The following ARHGEF4 variants were observed in gnomAD, a reference collection of about 807,000 sequenced individuals.
ARHGEF4 encodes the protein APC-stimulated guanine nucleotide exchange factor 1.
Under a neutral mutation model 162.0 loss-of-function variants are expected in ARHGEF4, and 119 were observed. The observed-to-expected ratio is 0.73, with a 90% CI of 0.63 to 0.86. The LOEUF is 0.86. Ranked by LOEUF, ARHGEF4 falls within the 40% of genes least tolerant of loss-of-function variation. The pLI is 0.00. For missense variants in ARHGEF4, 2,488 were observed against 2,456.0 expected, an observed-to-expected ratio of 1.01 and a Z score of -0.28; for synonymous variants, 1,014 against 979.9, an observed-to-expected ratio of 1.03 and a Z score of -0.65.
intron 4 of ARHGEF4, among the ~76,000 whole-genome samples, chr2:130,976,912 G>T (rs1320900693): frequency 6.6e-6 from 1 of 151,996 alleles, no homozygotes; most frequent in Non-Finnish European, 1.5e-5. Context: ...AGTGTGTGGT[G>T]TGTATGGTGT....
intron 4 of ARHGEF4, among the ~76,000 whole-genome samples, chr2:131,024,301 A>C (rs1455283066): frequency 6.6e-6 from 1 of 152,096 alleles, no homozygotes; most frequent in East Asian, 1.9e-4. Context: ...TTTGAGACAG[A>C]ATCTTGCTCC....
At chr2:130,953,443 C>T (rs1180732855) in intron 4 of ARHGEF4, among the ~76,000 whole-genome samples, 1 of 152,150 alleles carries the variant, frequency 6.6e-6, no homozygotes, top group Non-Finnish European at 1.5e-5. Context: ...GACCTAAAAT[C>T]GTAAAAGCCC....
In ARHGEF4 at chr2:130,853,585, G is replaced by A. The variant is rs542204140; in HGVS notation, c.39+16593G>A. On this transcript the variant is annotated intron_variant, in intron 1 of 13. Transcript: ENST00000409359. ...CCTGTGTGTCCCCTGGGGATGAGCT[G>A]CTGAGCCAGGTGTGGGCTGTCCGTG... Among the ~76,000 whole-genome samples, 12 of 152,332 alleles carry A rather than the reference G, an allele frequency of 7.9e-5. No homozygotes were observed. In the East Asian group the frequency reaches 1.9e-3, roughly 25 times the overall value.
intron 1 of ARHGEF4, among the ~76,000 whole-genome samples, chr2:130,903,367 C>G (rs949871202): frequency 4.0e-5 from 6 of 151,654 alleles, no homozygotes; most frequent in Non-Finnish European, 8.8e-5. Context: ...TCAAGTGATT[C>G]TCCTGCCTCA....
intron 1 of ARHGEF4, among the ~76,000 whole-genome samples, chr2:130,910,119 G>GA (rs1269063165): frequency 1.3e-5 from 2 of 151,996 alleles, no homozygotes; most frequent in Non-Finnish European, 2.9e-5. Context: ...ACGGGTTGAT[G>GA]GGTGCAGCAA....
intron 1 of ARHGEF4, among the ~76,000 whole-genome samples, chr2:130,851,887 C>G (rs1450704433): frequency 1.3e-5 from 2 of 152,234 alleles, no homozygotes; most frequent in Non-Finnish European, 2.9e-5. Context: ...GGTCCAAATT[C>G]AAATGCTGCC....
At chr2:130,884,128 G>A (rs1452388974) in intron 1 of ARHGEF4, among the ~76,000 whole-genome samples, 1 of 152,080 alleles carries the variant, frequency 6.6e-6, no homozygotes, top group Non-Finnish European at 1.5e-5. Context: ...TCACCAAATA[G>A]TTTGGAAGGC....
intron 1 of ARHGEF4, among the ~76,000 whole-genome samples, chr2:130,908,791 A>C (rs1680997997): frequency 1.3e-5 from 2 of 152,224 alleles, no homozygotes; most frequent in South Asian, 4.1e-4. Context: ...CATATATCTG[A>C]CAAAAGACTT....
At chr2:130,983,198 T>C (rs563198196) in intron 4 of ARHGEF4, among the ~76,000 whole-genome samples, 2 of 152,344 alleles carry the variant, frequency 1.3e-5, no homozygotes, top group South Asian at 2.1e-4. Flanking sequence ...TTCTGAAAAC[T>C]GAGAGATTAA....
In ARHGEF4 at chr2:130,917,266, A is replaced by G. The variant is rs1251037064; in HGVS notation, c.3320A>G (p.His1107Arg). The change falls in exon 2 of 14, where the codon CAC (histidine) becomes CGC (arginine). Residue 1107 changes from histidine (H) to arginine (R), a missense_variant. By Grantham distance (29) the His-to-Arg change is conservative. Around this residue, in one of 6 missense-constraint regions of ARHGEF4, gnomAD observed 1,642 missense variants for 1,481.5 expected, o/e 1.11. Transcript: ENST00000409359. The part of the protein sequence containing the change: ...PRPSAQRMGL[H>R]YPGRGSAISM... Reference sequence around the variant, plus strand: ...CCTAGTGCTCAGCGGATGGGTCTCCACTACCCCGGGAGGGGTAGCGCCATC... The same window carrying G: ...CCTAGTGCTCAGCGGATGGGTCTCCGCTACCCCGGGAGGGGTAGCGCCATC... The G allele has an allele frequency of 6.4e-7, 1 of 1,550,468 alleles. No homozygotes were observed. The highest frequency in any genetic ancestry group is 8.7e-7 in the Non-Finnish European group (1 of 1,146,950).
chr2:130,847,809 A>G lies in ARHGEF4; in HGVS notation c.39+10817A>G, dbSNP rs1230599176. Reference sequence around the variant, plus strand: ...GCCTCCACCTGGGGGTGAGTCAGGCATGGAAGGCGGCCTTGAAGGCCCATC... The same window carrying G: ...GCCTCCACCTGGGGGTGAGTCAGGCGTGGAAGGCGGCCTTGAAGGCCCATC... On this transcript the variant is annotated intron_variant, in intron 1 of 13. Coordinates refer to ENST00000409359, the MANE Select transcript of ARHGEF4 (RefSeq NM_001367493.1). Among the ~76,000 whole-genome samples the G allele has an allele frequency of 7.9e-5, 12 of 152,336 alleles. No homozygotes were observed. The South Asian group carries it at 2.5e-3, about 32-fold the overall frequency.
At position 131,027,986 on chromosome 2, in the gene ARHGEF4, G is replaced by A. The variant is rs770753604; in HGVS notation, c.4027G>A (p.Glu1343Lys). Residue 1343 changes from glutamate (E) to lysine (K), a missense_variant, in exon 5 of 14, where the codon GAA becomes AAA. By Grantham distance (56) the Glu-to-Lys change is moderately conservative (BLOSUM62 1). Transcript: ENST00000409359. ...TCTGGACACAGCTGTCTGCGCTGAC[G>A]AAGTGGGGAGCGAGGAGGACCTGTA... ...GALDTAVCAD[E>K]VGSEEDLYDD... The A allele has an allele frequency of 2.4e-5, 39 of 1,614,078 alleles. No individual in the cohort carries two copies. Among genetic ancestry groups the A allele is most frequent in the East Asian group, 8.9e-5 (4 of 44,886 alleles).
chr2:130,841,977 C>G (rs942176079), intron 1 of ARHGEF4, among the ~76,000 whole-genome samples: 2 of 152,210 alleles, frequency 1.3e-5, no homozygotes, highest in Admixed American at 1.3e-4. Context: ...GGGTCGGGGA[C>G]ACTCCAAATC....
At chr2:130,954,474 A>G (rs779055702) in intron 4 of ARHGEF4, among the ~76,000 whole-genome samples, 2 of 152,214 alleles carry the variant, frequency 1.3e-5, no homozygotes, top group Admixed American at 6.5e-5. Flanking sequence ...GGTGCAGCAC[A>G]CCAATGTGGC....
At chr2:130,934,799 C>T (rs1228487347) in intron 3 of ARHGEF4, among the ~76,000 whole-genome samples, 1 of 152,208 alleles carries the variant, frequency 6.6e-6, no homozygotes, top group East Asian at 1.9e-4. Flanking sequence ...CCGCCTCAGC[C>T]TCCCAAAGTG....
intron 1 of ARHGEF4, among the ~76,000 whole-genome samples, chr2:130,903,210 G>GGTTTT (rs888004232): frequency 2.7e-5 from 4 of 147,948 alleles, no homozygotes; most frequent in East Asian, 2.0e-4. Flanking sequence ...CATCTCTGCT[G>GGTTTT]GTTTTGTTTT....
chr2:131,026,948 C>G (rs1266548884), intron 4 of ARHGEF4, among the ~76,000 whole-genome samples: 1 of 152,188 alleles, frequency 6.6e-6, no homozygotes, highest in Non-Finnish European at 1.5e-5. Flanking sequence ...CTCCAGAATG[C>G]CACATTGCGT....
At chr2:131,030,089 C>A (rs1689745076) in intron 5 of ARHGEF4, among the ~76,000 whole-genome samples, 1 of 152,240 alleles carries the variant, frequency 6.6e-6, no homozygotes, top group African/African-American at 2.4e-5. Context: ...CGAGGGTGAT[C>A]ATCCCAACCA....
At position 130,917,375 on chromosome 2, in the gene ARHGEF4, C is replaced by T; in HGVS notation, c.3429C>T (p.Thr1143=). Residue 1143 remains threonine (T), a synonymous_variant, in exon 2 of 14, where the codon ACC becomes ACT. Coordinates refer to ENST00000409359, the MANE Select transcript of ARHGEF4 (RefSeq NM_001367493.1). ...GACCCAAGATTCCCAAGGGCCAGAC[C>T]AGTTTCCTGCTTTCTCTGCAGACGC... The part of the protein sequence containing the change: ...PERPKIPKGQ[T]SFLLSLQTLN... 2 of 1,550,588 alleles carry T rather than the reference C, an allele frequency of 1.3e-6. No individual in the cohort carries two copies. Among genetic ancestry groups the T allele is most frequent in the East Asian group, 2.4e-5 (1 of 40,914 alleles).
Sources: gnomAD v4.1 joint callset for allele counts (sites outside exome capture counted in the v4.1 genomes callset) on GRCh38, gnomAD v4.1.1 for gene constraint, gnomAD v4.1.1 regional missense constraint, MANE v1.5 for transcripts, NCBI Gene and HGNC (gene_info 2026-07-23, HGNC 2026-07-21) for gene names.